SLC43A2: variants seen among roughly 807,000 people sequenced by gnomAD.
SLC43A2 encodes the protein large neutral amino acids transporter small subunit 4.
Under a neutral mutation model 63.2 loss-of-function variants are expected in SLC43A2, and 38 were observed. That is an observed-to-expected ratio of 0.60 (90% CI 0.46 to 0.79). The LOEUF (loss-of-function observed/expected upper bound fraction) is 0.79, where lower values mean the gene tolerates loss of function less well. Among genes scored for constraint, SLC43A2 ranks in the 30% least tolerant of loss-of-function variants. The probability of loss-of-function intolerance (pLI) is 0.00; values close to 1 mark genes in which losing one functional copy is unlikely to be tolerated. For synonymous variants in SLC43A2, 322 were observed against 331.0 expected, an observed-to-expected ratio of 0.97 and a Z score of 0.30; for missense variants, 644 against 756.2, an observed-to-expected ratio of 0.85 and a Z score of 1.74.
chr17:1,597,631 C>G (rs1228255667), intron 5 of SLC43A2, among the ~76,000 whole-genome samples: 1 of 151,622 alleles, frequency 6.6e-6, no homozygotes. Flanking sequence ...GAAACCCCAT[C>G]TCTACAAAAA....
chr17:1,582,058 G>C (rs1001633699), intron 11 of SLC43A2, among the ~76,000 whole-genome samples: 1 of 149,874 alleles, frequency 6.7e-6, no homozygotes, highest in African/African-American at 2.5e-5. Context: ...ACCTGCCTCA[G>C]CCTCCCAAAG....
intron 9 of SLC43A2, chr17:1,586,929 C>CG: frequency 6.1e-6 from 4 of 657,348 alleles, no homozygotes; most frequent in Non-Finnish European, 9.9e-6. Flanking sequence ...CCCTGACAAT[C>CG]CCCCCCACCC....
At chr17:1,604,622 C>A in intron 5 of SLC43A2, 1 of 1,100,370 alleles carries the variant, frequency 9.1e-7, no homozygotes. Flanking sequence ...CATCTGCCCA[C>A]CTCAGCCTCC....
At chr17:1,613,133 A>G (rs753162386) in intron 5 of SLC43A2, 62 bp downstream of exon 5, 7 of 1,424,830 alleles carry the variant, frequency 4.9e-6, no homozygotes, top group Non-Finnish European at 5.9e-6. Context: ...AAACCAATCA[A>G]AGCGGCCTCA....
At chr17:1,579,138 C>CAAAAAA (rs143230532) in intron 11 of SLC43A2, among the ~76,000 whole-genome samples, 1 of 135,666 alleles carries the variant, frequency 7.4e-6, no homozygotes, top group African/African-American at 2.8e-5. Context: ...GACTCTGTCT[C>CAAAAAA]AAAAAAAAAA....
intron 9 of SLC43A2, 140 bp from the exon 10 acceptor site, chr17:1,586,191 G>A (rs183691455): frequency 3.9e-5 from 50 of 1,297,682 alleles, no homozygotes; most frequent in Admixed American, 1.7e-4. Flanking sequence ...TGGGTCTTGC[G>A]AGGAGCCCGG....
chr17:1,613,458 TC>T (rs1326684620), intron 4 of SLC43A2, among the ~76,000 whole-genome samples, 187 bp from the exon 5 acceptor site: 1 of 152,164 alleles, frequency 6.6e-6, no homozygotes, highest in Non-Finnish European at 1.5e-5. Context: ...TATTTCTTTT[TC>T]TTTTTTAATC....
Position 1,570,216 on chromosome 17 carries a change from G to A in SLC43A2, c.*5388C>T, listed in dbSNP as rs1441590851. On this transcript the variant is annotated 3_prime_UTR_variant, in exon 14 of 14. Coordinates refer to ENST00000301335, the MANE Select transcript of SLC43A2 (RefSeq NM_152346.3). The stretch of plus-strand genomic sequence containing the variant: ...CCCTAATTTTTGTATTTTTAGTAGA[G>A]TTGAGGTTTCACCATGTTGGTCAGG... The A allele has an allele frequency of 6.6e-6, 1 of 151,772 alleles. No individual in the cohort carries two copies. Among genetic ancestry groups the A allele is most frequent in the Non-Finnish European group, 1.5e-5 (1 of 67,964 alleles). The allele number at this position is 151,772 out of a possible 1,614,324, so 9.4% of individuals were successfully genotyped here. A position where few individuals can be genotyped will look rare whatever the true frequency, so the allele number is the denominator to read the frequency against.
At chr17:1,581,951 CAT>C (rs1567611267) in intron 11 of SLC43A2, among the ~76,000 whole-genome samples, 9 of 150,406 alleles carry the variant, frequency 6.0e-5, no homozygotes, top group Admixed American at 1.3e-4. Flanking sequence ...GGATTACAGG[CAT>C]GTGCCACCAC....
intron 2 of SLC43A2, 53 bp downstream of exon 2, chr17:1,627,662 C>CG: frequency 2.2e-6 from 2 of 918,010 alleles, no homozygotes; most frequent in Non-Finnish European, 1.5e-6. Flanking sequence ...ATCCCGCCCC[C>CG]TCCCAAAGCC....
chr17:1,592,747 A>G (rs1025949000), intron 6 of SLC43A2, among the ~76,000 whole-genome samples: 6 of 152,182 alleles, frequency 3.9e-5, no homozygotes, highest in African/African-American at 1.4e-4. Context: ...TGTGACTTCC[A>G]CAGGCTCAAA....
chr17:1,600,752 T>C (rs1189809697), intron 5 of SLC43A2, among the ~76,000 whole-genome samples: 1 of 151,738 alleles, frequency 6.6e-6, no homozygotes. Flanking sequence ...GAGACAGGGT[T>C]TCACCATGTT....
At chr17:1,609,914 A>G (rs907541021) in intron 5 of SLC43A2, among the ~76,000 whole-genome samples, 8 of 151,706 alleles carry the variant, frequency 5.3e-5, no homozygotes, top group Non-Finnish European at 1.0e-4. Context: ...AGGCTGATAG[A>G]ATTTTTTTTT....
At chr17:1,628,461 G>A (rs1908892594) in intron 1 of SLC43A2, 1 of 150,798 alleles carries the variant, frequency 6.6e-6, no homozygotes, top group African/African-American at 2.4e-5. Context: ...GACGGCGCAG[G>A]AACTGCCGCG....
At chr17:1,617,785 G>C (rs1446750848) in intron 2 of SLC43A2, among the ~76,000 whole-genome samples, 1 of 152,160 alleles carries the variant, frequency 6.6e-6, no homozygotes, top group East Asian at 1.9e-4. Context: ...TGGTGTGTTT[G>C]CCACACCCAG....
In SLC43A2 at chr17:1,590,816, C is replaced by T; in HGVS notation, c.1064G>A (p.Gly355Asp). 6.4e-7 allele frequency: 1 copy of T among 1,555,178 alleles called. No homozygotes were observed. The highest frequency in any genetic ancestry group is 8.7e-7 in the Non-Finnish European group (1 of 1,148,808). Residue 355 changes from glycine to aspartate, a missense_variant, in exon 9 of 14, where the codon GGC (glycine) becomes GAC (aspartate). This residue lies in a region of SLC43A2 where 528 missense variants were observed against 623.6 expected (regional missense o/e 0.85). Coordinates refer to ENST00000301335, the MANE Select transcript of SLC43A2 (RefSeq NM_152346.3). The stretch of plus-strand genomic sequence containing the variant: ...GGGGCACCTACCTGTCTTCTGGTCG[C>T]CGCTGACCAGGAACTTGAGGATGTT... ...MNNILKFLVS[G>D]DQKTVGLYTS...
rs900861794 is a variant in SLC43A2 at position 1,569,397 on chromosome 17, T to C, written c.*6207A>G. On this transcript the variant is annotated 3_prime_UTR_variant, in exon 14 of 14. Transcript: ENST00000301335. ...GACCCTGGTTAATACAGGGTACGGATTAACCCTTCAGGCTCCCTTCCGAGG... is the reference window on the plus strand; with the variant it reads ...GACCCTGGTTAATACAGGGTACGGACTAACCCTTCAGGCTCCCTTCCGAGG... 13 of 152,194 alleles carry C rather than the reference T, an allele frequency of 8.5e-5. No homozygotes were observed. The highest frequency in any genetic ancestry group is 6.5e-4 in the Admixed American group (10 of 15,280). 9.4% of individuals were successfully genotyped at this position (152,194 alleles called of 1,614,324 possible).
Position 1,574,199 on chromosome 17 carries a change from C to T in SLC43A2, c.*1405G>A, listed in dbSNP as rs1414899945. On this transcript the variant is annotated 3_prime_UTR_variant, in exon 14 of 14. Transcript: ENST00000301335. ...GGCTCACACTTCTAAGATGTCTGCA[C>T]AAGCCCAGTTTGTTTGGGGGTTGGG... is the stretch of plus-strand genomic sequence containing the variant. The T allele has an allele frequency of 6.6e-6, 1 of 152,548 alleles. No individual in the cohort carries two copies. Among genetic ancestry groups the T allele is most frequent in the Non-Finnish European group, 1.5e-5 (1 of 68,148 alleles). The allele number at this position is 152,548 out of a possible 1,614,324, so 9.4% of individuals were successfully genotyped here. A position where few individuals can be genotyped will look rare whatever the true frequency, so the allele number is the denominator to read the frequency against.
rs568344195 is a variant in SLC43A2 at position 1,596,347 on chromosome 17, G to T, written c.502-3068C>A. Among the ~76,000 whole-genome samples the T allele has an allele frequency of 1.5e-4, 23 of 152,086 alleles. 2 individuals carry two copies. In the East Asian group the frequency reaches 4.4e-3, roughly 29 times the overall value. On this transcript the variant is annotated intron_variant, in intron 5 of 13. Transcript: ENST00000301335. ...AAAAAAAGAAAGTGAAAACAGGCTG[G>T]GAGTGGTGGCTCGTGCCTGTCATCC... is the stretch of plus-strand genomic sequence containing the variant.
Sources: allele counts gnomAD v4.1 joint callset (sites outside exome capture counted in the v4.1 genomes callset), GRCh38; gene constraint gnomAD v4.1.1; regional missense constraint gnomAD v4.1.1; transcripts MANE v1.5; gene names NCBI Gene and HGNC (gene_info 2026-07-23, HGNC 2026-07-21).